ORC6: variants seen among roughly 807,000 people sequenced by gnomAD.
ORC6 encodes the protein origin recognition complex, subunit 6 homolog-like (yeast).
ORC6 carries 31 observed loss-of-function variants against 30.0 expected under a neutral mutation model. The observed-to-expected ratio is 1.03, with a 90% CI of 0.78 to 1.40. The LOEUF (loss-of-function observed/expected upper bound fraction) is 1.40. Among genes scored for constraint, ORC6 ranks in the 40% most tolerant of loss-of-function variants. The pLI is 0.00. For synonymous variants in ORC6, 136 were observed against 111.2 expected (o/e 1.22, Z -1.40); for missense variants, 340 against 304.3 (o/e 1.12, Z -0.87).
rs1413705692 is a variant in ORC6 at position 46,698,257 on chromosome 16, C to CT, written c.*674dup. ...TTTTGCTTTAAGTGAATGGCAGTCC[C>CT]TTGTCTTATTCAGAATATAAAATTC... On this transcript the variant is annotated 3_prime_UTR_variant, in exon 7 of 7. Coordinates refer to ENST00000219097, the MANE Select transcript of ORC6 (RefSeq NM_014321.4). The CT allele has an allele frequency of 1.8e-5, 8 of 454,988 alleles. No homozygotes were observed. Among genetic ancestry groups the CT allele is most frequent in the African/African-American group, 1.2e-4 (6 of 49,862 alleles). The allele number at this position is 454,988 out of a possible 1,614,324, so 28.2% of individuals were successfully genotyped here. A position where few individuals can be genotyped will look rare whatever the true frequency, so the allele number is the denominator to read the frequency against.
chr16:46,693,828 T>TTTAAA (rs767614465), intron 4 of ORC6: 1 of 123,014 alleles, frequency 8.1e-6, no homozygotes, highest in Non-Finnish European at 1.7e-5. Context: ...TTTTTTTTTT[T>TTTAAA]ACATTTTTTT....
At chr16:46,695,314 A>G in intron 4 of ORC6, 1 of 474,884 alleles carries the variant, frequency 2.1e-6, no homozygotes, top group South Asian at 2.3e-5. Flanking sequence ...AAAAGTCATG[A>G]AGCACTACAG....
rs1362951943 is a variant in ORC6 at position 46,698,110 on chromosome 16, T to C, written c.*525T>C. The C allele has an allele frequency of 4.6e-6, 2 of 434,188 alleles. No homozygotes were observed. The highest frequency in any genetic ancestry group is 2.4e-5 in the Admixed American group (1 of 40,886). The allele number at this position is 434,188 out of a possible 1,614,324, so 26.9% of individuals were successfully genotyped here. A position where few individuals can be genotyped will look rare whatever the true frequency, so the allele number is the denominator to read the frequency against. ...AGCCTGGGTGACAGAGCGAGACTTA[T>C]CTCATAAATAAATAGATAGATACTC... On this transcript the variant is annotated 3_prime_UTR_variant, in exon 7 of 7. Coordinates refer to ENST00000219097, the MANE Select transcript of ORC6 (RefSeq NM_014321.4).
chr16:46,693,857 T>TA (rs1966484051), intron 4 of ORC6: 1 of 131,158 alleles, frequency 7.6e-6, no homozygotes, highest in African/African-American at 2.8e-5. Context: ...TTTTTATTTT[T>TA]TTTTTTTTAA....
At chr16:46,693,219 T>A (rs1244725896) in intron 4 of ORC6, 37 bp downstream of exon 4, 5 of 1,375,748 alleles carry the variant, frequency 3.6e-6, no homozygotes, top group Admixed American at 1.7e-5. Flanking sequence ...AAGTTACCAA[T>A]TTACAAGTGG....
At chr16:46,697,145 G>T (rs933627993) in intron 6 of ORC6, among the ~76,000 whole-genome samples, 4 of 152,150 alleles carry the variant, frequency 2.6e-5, no homozygotes, top group African/African-American at 9.7e-5. Flanking sequence ...ATTATTAGAT[G>T]TCTTGGAATG....
rs1274784209 is a variant in ORC6 at position 46,692,497 on chromosome 16, AG to A, written c.312del (p.Gln104HisfsTer5). 5 of 1,613,800 alleles carry A rather than the reference AG, an allele frequency of 3.1e-6. No homozygotes were observed. Among genetic ancestry groups the A allele is most frequent in the Non-Finnish European group, 3.4e-6 (4 of 1,179,774 alleles). The stretch of plus-strand genomic sequence containing the variant: ...ATTGGAATAAGAGACCTAGCTGTAC[AG>A]TTTAGCTGTATAGAAGCAGTGAACA... ...SNIGIRDLAVQFSCIEAVNMA... is the reference protein window; with the variant it reads ...SNIGIRDLAVXFSCIEAVNMA... On this transcript the variant is annotated frameshift_variant, in exon 3 of 7. Transcript: ENST00000219097. LOFTEE classifies it high-confidence loss of function.
chr16:46,692,786 T>C (rs1181238854), intron 3 of ORC6, among the ~76,000 whole-genome samples: 3 of 152,136 alleles, frequency 2.0e-5, no homozygotes, highest in African/African-American at 7.2e-5. Context: ...GAGAATTGCT[T>C]GAACCCAGGA....
At chr16:46,694,213 A>C in intron 4 of ORC6, 1 of 71,412 alleles carries the variant, frequency 1.4e-5, no homozygotes, top group Non-Finnish European at 2.8e-5. Flanking sequence ...AGGCAGAAGA[A>C]TTTTTCTTAG....
rs537443794 is a variant in ORC6, at chr16:46,689,806, C to G, written c.65+36C>G. 6 of 1,556,360 alleles carry G rather than the reference C, an allele frequency of 3.9e-6. No individual in the cohort carries two copies. The East Asian group carries it at 1.2e-4, about 31-fold the overall frequency. On this transcript the variant is annotated intron_variant, in intron 1 of 6. Transcript: ENST00000219097. ...CCGCGCAAGACCAGGGCTGGGCTTC[C>G]GCCTCGCGGCCCTGGGCCCTCAGGT...
rs1567273845 is a variant in ORC6 at position 46,692,422 on chromosome 16, A to T, written c.236A>T (p.Tyr79Phe). 1.9e-6 allele frequency: 3 copies of T among 1,613,838 alleles called. No individual in the cohort carries two copies. The highest frequency in any genetic ancestry group is 2.5e-6 in the Non-Finnish European group (3 of 1,179,716). Residue 79 changes from tyrosine to phenylalanine, a missense_variant, in exon 3 of 7, where the codon TAT (tyrosine) becomes TTT (phenylalanine). By Grantham distance (22) the Tyr-to-Phe change is conservative (BLOSUM62 3). Transcript: ENST00000219097. ...CTTTCTGGTTTGAACAAGGAGACAT[A>T]TCAGAGCTGTCTTAAATCTTTTGAG... ...IKLSGLNKETYQSCLKSFECL... is the reference protein window; with the variant it reads ...IKLSGLNKETFQSCLKSFECL...
At chr16:46,690,018 A>G (rs1966412811) in intron 1 of ORC6, among the ~76,000 whole-genome samples, 1 of 152,232 alleles carries the variant, frequency 6.6e-6, no homozygotes, top group Non-Finnish European at 1.5e-5. Context: ...CCGTGGGTAG[A>G]AAAATGAGCC....
At chr16:46,693,763 C>T (rs1223494443) in intron 4 of ORC6, 1 of 148,550 alleles carries the variant, frequency 6.7e-6, no homozygotes, top group African/African-American at 2.5e-5. Flanking sequence ...GAGCTATGGT[C>T]ACGCTACTAC....
intron 2 of ORC6, among the ~76,000 whole-genome samples, chr16:46,691,958 A>ACACACTCTCTCT: frequency 1.3e-3 from 48 of 36,660 alleles, no homozygotes; most frequent in African/African-American, 3.3e-3. Flanking sequence ...ACACACACAC[A>ACACACTCTCTCT]CTCTCTCTCT....
Position 46,697,513 on chromosome 16 carries a change from A to C in ORC6, c.687A>C (p.Thr229=). The change falls in exon 7 of 7, where the codon ACA becomes ACC. Residue 229 remains threonine, a synonymous_variant. Coordinates refer to ENST00000219097, the MANE Select transcript of ORC6 (RefSeq NM_014321.4). ...AACCACAGAAAGATGAAGATCTGAC[A>C]CAGGATTATGAAGAATGGAAAAGAA... ...PHKPQKDEDL[T]QDYEEWKRKI... 1 of 1,613,542 alleles carries C rather than the reference A, an allele frequency of 6.2e-7. No homozygotes were observed. Among genetic ancestry groups the C allele is most frequent in the Non-Finnish European group, 8.5e-7 (1 of 1,179,414 alleles).
intron 5 of ORC6, 24 bp downstream of exon 5, chr16:46,695,698 T>C (rs1479915943): frequency 7.1e-7 from 1 of 1,406,448 alleles, no homozygotes. Flanking sequence ...AGTTCAAGAA[T>C]GCGTCATTTG....
At position 46,698,211 on chromosome 16, in the gene ORC6, A is replaced by AGATAGATAGATAGAT; in HGVS notation, c.*630_*631insGATAGATAGATGATA. Reference sequence around the variant, plus strand: ...TAGATAGATAGATAGATAGATAGATAGATAAACGGAATTGGAGCCATTTTG... The same window carrying AGATAGATAGATAGAT: ...TAGATAGATAGATAGATAGATAGATAGATAGATAGATAGATGATAAACGGAATTGGAGCCATTTTG... On this transcript the variant is annotated 3_prime_UTR_variant, in exon 7 of 7. Transcript: ENST00000219097. 2.2e-6 allele frequency: 1 copy of AGATAGATAGATAGAT among 455,068 alleles called. No homozygotes were observed. Among genetic ancestry groups the AGATAGATAGATAGAT allele is most frequent in the Non-Finnish European group, 4.4e-6 (1 of 226,578 alleles). The allele number at this position is 455,068 out of a possible 1,614,324, so 28.2% of individuals were successfully genotyped here. A position where few individuals can be genotyped will look rare whatever the true frequency, so the allele number is the denominator to read the frequency against.
In ORC6 at chr16:46,697,659, G is replaced by C. The variant is rs765328137; in HGVS notation, c.*74G>C. ...TCTCCAGGAAGACTTGACGGCTTTG[G>C]GATTTTGTTTAAACTTTTATAATAA... On this transcript the variant is annotated 3_prime_UTR_variant, in exon 7 of 7. Coordinates refer to ENST00000219097, the MANE Select transcript of ORC6 (RefSeq NM_014321.4). 1 of 1,494,770 alleles carries C rather than the reference G, an allele frequency of 6.7e-7. No individual in the cohort carries two copies. Among genetic ancestry groups the C allele is most frequent in the Non-Finnish European group, 9.3e-7 (1 of 1,072,098 alleles). The allele number at this position is 1,494,770 out of a possible 1,614,324, so 92.6% of individuals were successfully genotyped here.
intron 6 of ORC6, among the ~76,000 whole-genome samples, chr16:46,696,625 GTTTT>G (rs939653809): frequency 7.9e-5 from 12 of 151,956 alleles, no homozygotes; most frequent in African/African-American, 2.9e-4. Context: ...TGATTTTTTG[GTTTT>G]TTTGTTTGTT....
Sources: allele counts gnomAD v4.1 joint callset (sites outside exome capture counted in the v4.1 genomes callset), GRCh38; gene constraint gnomAD v4.1.1; transcripts MANE v1.5; gene names NCBI Gene and HGNC (gene_info 2026-07-23, HGNC 2026-07-21).